TBC1D19: variants seen among roughly 807,000 people sequenced by gnomAD.
The protein encoded by TBC1D19 is TBC1 domain family, member 19.
In TBC1D19, 60 loss-of-function variants were observed where a neutral mutation model predicts 89.0. The observed-to-expected ratio is 0.67, with a 90% CI of 0.55 to 0.84. The LOEUF is 0.84. Ranked by LOEUF, TBC1D19 falls within the 40% of genes least tolerant of loss-of-function variation. The pLI is 0.00. For missense variants in TBC1D19, 500 were observed against 610.8 expected, an observed-to-expected ratio of 0.82 and a Z score of 1.91; for synonymous variants, 189 against 199.7, an observed-to-expected ratio of 0.95 and a Z score of 0.45.
upstream of TBC1D19, among the ~76,000 whole-genome samples, chr4:26,581,255 C>T (rs965899265): frequency 1.3e-5 from 2 of 152,144 alleles, no homozygotes; most frequent in African/African-American, 4.8e-5. Context: ...ATGTGCAGAA[C>T]GTGCAGGTTC....
intron 13 of TBC1D19, among the ~76,000 whole-genome samples, chr4:26,700,699 T>C (rs891408472): frequency 3.3e-5 from 5 of 152,226 alleles, no homozygotes; most frequent in Non-Finnish European, 7.3e-5. Flanking sequence ...GAAAGTTTCA[T>C]AATTTGTTAT....
chr4:26,585,618 CTG>C (rs1739364486), intron 1 of TBC1D19, among the ~76,000 whole-genome samples: 1 of 151,806 alleles, frequency 6.6e-6, no homozygotes, highest in African/African-American at 2.4e-5. Flanking sequence ...GAGTCTTCCT[CTG>C]TCACCCTGGC....
Position 26,755,006 on chromosome 4 carries a change from A to C in TBC1D19, c.*59A>C. The C allele has an allele frequency of 4.1e-6, 6 of 1,479,288 alleles. No individual in the cohort carries two copies. Among genetic ancestry groups the C allele is most frequent in the Non-Finnish European group, 5.5e-6 (6 of 1,095,510 alleles). 91.6% of individuals were successfully genotyped at this position (1,479,288 alleles called of 1,614,324 possible). ...TTTCATTAGAAACAAATCATGAACTATGCAAACTCTGCATAAAACCAAAAT... is the reference window on the plus strand; with the variant it reads ...TTTCATTAGAAACAAATCATGAACTCTGCAAACTCTGCATAAAACCAAAAT... On this transcript the variant is annotated 3_prime_UTR_variant, in exon 21 of 21. Transcript: ENST00000264866.
chr4:26,614,236 T>A (rs1303855994), intron 2 of TBC1D19, among the ~76,000 whole-genome samples, 172 bp from the exon 3 acceptor site: 3 of 152,210 alleles, frequency 2.0e-5, no homozygotes, highest in African/African-American at 7.2e-5. Context: ...AGGGATATGG[T>A]AAGTGTATAG....
chr4:26,736,098 T>G (rs1461829967), intron 16 of TBC1D19, among the ~76,000 whole-genome samples: 25 of 121,348 alleles, frequency 2.1e-4, no homozygotes, highest in African/African-American at 6.7e-4. Flanking sequence ...CATGCACATG[T>G]ATGTTTATTG....
chr4:26,858,420 T>C, the TBC1D19 span: 1 of 152,108 alleles, frequency 6.6e-6, no homozygotes, highest in African/African-American at 2.4e-5. Context: ...GAGAAAGCTT[T>C]GGGGTGGTGA....
At position 26,673,446 on chromosome 4, in the gene TBC1D19, T is replaced by TATATACACACACACACAC. The variant is rs373807642; in HGVS notation, c.704-329_704-328insTATACACACACACACACA. Among the ~76,000 whole-genome samples the TATATACACACACACACAC allele has an allele frequency of 6.3e-3, 569 of 90,836 alleles. 3 individuals carry two copies. Among genetic ancestry groups the TATATACACACACACACAC allele is most frequent in the Middle Eastern group, 0.013 (2 of 150 alleles). 59.6% of individuals were successfully genotyped at this position (90,836 alleles called of 152,430 possible). On this transcript the variant is annotated intron_variant, in intron 10 of 20. Transcript: ENST00000264866. ...TTTCATATATATATATATATATATA[T>TATATACACACACACACAC]ACACACACACACACACACACACACA... is the stretch of plus-strand genomic sequence containing the variant.
At chr4:26,857,256 C>A in the TBC1D19 span, among the ~76,000 whole-genome samples, 17 of 152,316 alleles carry the variant, frequency 1.1e-4, no homozygotes, top group Non-Finnish European at 1.9e-4. Flanking sequence ...CACCTCGAGT[C>A]CCTTGTTAGC....
chr4:26,628,486 A>G (rs547753450), intron 4 of TBC1D19, among the ~76,000 whole-genome samples: 3 of 152,236 alleles, frequency 2.0e-5, no homozygotes, highest in South Asian at 2.1e-4. Flanking sequence ...TCTATTCAAC[A>G]TAGTGTTGGA....
At chr4:26,748,549 A>G (rs1471454101) in intron 19 of TBC1D19, 23 bp downstream of exon 19, 2 of 1,522,228 alleles carry the variant, frequency 1.3e-6, no homozygotes, top group Admixed American at 1.7e-5. Flanking sequence ...GCTTGTTTGT[A>G]GAACACATGC....
At chr4:26,739,550 C>T (rs1255176842) in intron 16 of TBC1D19, among the ~76,000 whole-genome samples, 1 of 151,962 alleles carries the variant, frequency 6.6e-6, no homozygotes, top group African/African-American at 2.4e-5. Flanking sequence ...AGAGATTTGA[C>T]TTATGTAGTT....
At chr4:26,615,447 C>CA (rs1250768377) in intron 3 of TBC1D19, among the ~76,000 whole-genome samples, 2 of 141,144 alleles carry the variant, frequency 1.4e-5, no homozygotes, top group Non-Finnish European at 3.1e-5. Context: ...AGTCTAATTG[C>CA]ACGTCTGCTT....
At chr4:26,645,137 A>G (rs915409488) in intron 7 of TBC1D19, among the ~76,000 whole-genome samples, 1 of 152,256 alleles carries the variant, frequency 6.6e-6, no homozygotes, top group Non-Finnish European at 1.5e-5. Flanking sequence ...CTTTCTTCAC[A>G]GAATTGGAAA....
chr4:26,661,042 T>C (rs1745192785), intron 8 of TBC1D19, among the ~76,000 whole-genome samples: 1 of 152,058 alleles, frequency 6.6e-6, no homozygotes, highest in African/African-American at 2.4e-5. Flanking sequence ...GAGGAAACCA[T>C]AGTGAGCCAT....
chr4:26,597,756 G>A (rs1740325048), intron 1 of TBC1D19, among the ~76,000 whole-genome samples: 1 of 151,634 alleles, frequency 6.6e-6, no homozygotes, highest in South Asian at 2.1e-4. Context: ...ACATCTATAT[G>A]GTTTTATAAC....
intron 8 of TBC1D19, among the ~76,000 whole-genome samples, chr4:26,660,524 G>A (rs567600321): frequency 3.3e-5 from 5 of 152,200 alleles, no homozygotes; most frequent in East Asian, 3.9e-4. Flanking sequence ...TGCTGGAGCC[G>A]GACCCTATAA....
intron 12 of TBC1D19, among the ~76,000 whole-genome samples, chr4:26,684,458 C>G (rs1266747861): frequency 6.6e-6 from 1 of 152,204 alleles, no homozygotes; most frequent in Non-Finnish European, 1.5e-5. Context: ...CTCTTTAGTC[C>G]TGTCACATAG....
chr4:26,769,581 C>T, the TBC1D19 span, among the ~76,000 whole-genome samples: 4 of 151,230 alleles, frequency 2.6e-5, no homozygotes, highest in African/African-American at 7.3e-5. Context: ...CTTGCTCTCA[C>T]ACCCAGCCTG....
chr4:26,780,434 G>C, the TBC1D19 span, among the ~76,000 whole-genome samples: 1 of 152,130 alleles, frequency 6.6e-6, no homozygotes. Flanking sequence ...GCTACTCTGG[G>C]AACTGAAAGA....
Sources: gnomAD v4.1 joint callset for allele counts (sites outside exome capture counted in the v4.1 genomes callset) on GRCh38, gnomAD v4.1.1 for gene constraint, MANE v1.5 for transcripts, NCBI Gene and HGNC (gene_info 2026-07-23, HGNC 2026-07-21) for gene names.